NKAIN3: variants seen among roughly 807,000 people sequenced by gnomAD.
NKAIN3 encodes sodium/potassium transporting ATPase interacting 3.
NKAIN3 carries 25 observed loss-of-function variants against 30.2 expected under a neutral mutation model. That is an observed-to-expected ratio of 0.83 (90% CI 0.60 to 1.16). The LOEUF is 1.16. Among genes scored for constraint, NKAIN3 ranks in the 50% most tolerant of loss-of-function variants. The pLI is 0.00. For missense variants in NKAIN3, 225 were observed against 254.1 expected, an observed-to-expected ratio of 0.89 and a Z score of 0.78; for synonymous variants, 91 against 89.6, an observed-to-expected ratio of 1.02 and a Z score of -0.09.
At chr8:62,293,191 C>T (rs1269392218) in intron 1 of NKAIN3, among the ~76,000 whole-genome samples, 1 of 152,116 alleles carries the variant, frequency 6.6e-6, no homozygotes, top group Non-Finnish European at 1.5e-5. Flanking sequence ...TCCTTTTTCT[C>T]GGAGAAGTTT....
chr8:62,595,416 TAATAGAGTGA>T (rs144862586), intron 3 of NKAIN3, among the ~76,000 whole-genome samples: 60,085 of 138,042 alleles, frequency 0.44, 15,264 homozygotes, highest in Non-Finnish European at 0.57. Flanking sequence ...TTGCAAGATT[TAATAGAGTGA>T]AATAGAGTGA....
At chr8:62,712,906 C>G (rs1038618309) in intron 3 of NKAIN3, among the ~76,000 whole-genome samples, 2 of 152,220 alleles carry the variant, frequency 1.3e-5, no homozygotes, top group Non-Finnish European at 2.9e-5. Flanking sequence ...GGCCTTTCTG[C>G]TGCTCCCTCT....
At chr8:62,907,572 C>G (rs965409239) in intron 4 of NKAIN3, among the ~76,000 whole-genome samples, 1 of 152,144 alleles carries the variant, frequency 6.6e-6, no homozygotes, top group Non-Finnish European at 1.5e-5. Context: ...ATGGGCTGGG[C>G]CCAGGACCTT....
At chr8:62,785,858 T>A (rs950718034) in intron 4 of NKAIN3, among the ~76,000 whole-genome samples, 1 of 152,152 alleles carries the variant, frequency 6.6e-6, no homozygotes, top group African/African-American at 2.4e-5. Flanking sequence ...CAGAATATGA[T>A]CCTTATTTCT....
chr8:62,776,362 C>T (rs938030166), intron 4 of NKAIN3, among the ~76,000 whole-genome samples: 1 of 151,940 alleles, frequency 6.6e-6, no homozygotes, highest in African/African-American at 2.4e-5. Context: ...TCTCTTTCTT[C>T]TTCCTTCCTA....
chr8:62,601,313 G>A (rs1810976673), intron 3 of NKAIN3, among the ~76,000 whole-genome samples: 1 of 151,842 alleles, frequency 6.6e-6, no homozygotes, highest in Admixed American at 6.6e-5. Flanking sequence ...CCTAAAATGT[G>A]ATGTTTAAAG....
chr8:62,618,821 G>T (rs1236738453), intron 3 of NKAIN3, among the ~76,000 whole-genome samples: 1 of 152,074 alleles, frequency 6.6e-6, no homozygotes, highest in Non-Finnish European at 1.5e-5. Context: ...CAGGAGGATT[G>T]CTTGAACCCA....
intron 5 of NKAIN3, among the ~76,000 whole-genome samples, chr8:62,931,196 A>G (rs999604241): frequency 6.6e-6 from 1 of 152,226 alleles, no homozygotes; most frequent in African/African-American, 2.4e-5. Flanking sequence ...AGCAAATCTA[A>G]TAAATCTAAT....
At chr8:62,628,477 CATT>C (rs774541255) in intron 3 of NKAIN3, among the ~76,000 whole-genome samples, 6 of 152,238 alleles carry the variant, frequency 3.9e-5, no homozygotes, top group Non-Finnish European at 5.9e-5. Context: ...TGAGTTTCAT[CATT>C]AAGTTTTTTC....
intron 4 of NKAIN3, among the ~76,000 whole-genome samples, chr8:62,908,321 G>T (rs1193490186): frequency 6.6e-6 from 1 of 152,046 alleles, no homozygotes; most frequent in African/African-American, 2.4e-5. Flanking sequence ...GAAGGGACTT[G>T]CTTTATCTCA....
At chr8:62,321,370 T>C (rs1700096401) in intron 1 of NKAIN3, among the ~76,000 whole-genome samples, 1 of 152,214 alleles carries the variant, frequency 6.6e-6, no homozygotes, top group African/African-American at 2.4e-5. Context: ...CCATTGCTGG[T>C]GAGGAGCTGC....
At chr8:62,501,063 T>A (rs1430167111) in intron 1 of NKAIN3, among the ~76,000 whole-genome samples, 1 of 152,224 alleles carries the variant, frequency 6.6e-6, no homozygotes, top group Non-Finnish European at 1.5e-5. Flanking sequence ...ATGTTCCTTT[T>A]TTTCTAGTTA....
At chr8:62,448,488 A>AAC (rs200674469) in intron 1 of NKAIN3, among the ~76,000 whole-genome samples, 11,824 of 150,640 alleles carry the variant, frequency 0.078, 547 homozygotes, top group African/African-American at 0.11. Context: ...AAAAAAAAAA[A>AAC]AAGATAAAAA....
intron 3 of NKAIN3, among the ~76,000 whole-genome samples, chr8:62,647,734 C>T (rs1225533309): frequency 2.6e-5 from 4 of 152,280 alleles, no homozygotes; most frequent in African/African-American, 9.6e-5. Flanking sequence ...GCCTGAATCC[C>T]CTCGATTGCC....
At chr8:62,252,542 A>G (rs1346480031) in intron 1 of NKAIN3, among the ~76,000 whole-genome samples, 3 of 152,130 alleles carry the variant, frequency 2.0e-5, no homozygotes, top group East Asian at 1.9e-4. Context: ...GTCTTTCATC[A>G]TTAGTTTTTC....
At chr8:62,944,024 G>C (rs1159882228) in intron 5 of NKAIN3, among the ~76,000 whole-genome samples, 2 of 151,908 alleles carry the variant, frequency 1.3e-5, no homozygotes, top group Non-Finnish European at 2.9e-5. Flanking sequence ...GTGGGAGTGG[G>C]TGAGGGATAA....
rs897848307 is a variant in NKAIN3, at chr8:62,557,897, A to T, written c.55-21642A>T. Among the ~76,000 whole-genome samples the T allele has an allele frequency of 2.6e-5, 4 of 152,126 alleles. No homozygotes were observed. In the East Asian group the frequency reaches 7.7e-4, roughly 29 times the overall value. On this transcript the variant is annotated intron_variant, in intron 1 of 6. Transcript: ENST00000623646. ...CTGACTGTTCCTTTTGCTGTGCAAA[A>T]GCTCTTTAGTTTAATTAAGTCCCAG... is the stretch of plus-strand genomic sequence containing the variant.
chr8:62,690,159 C>T (rs1173323310), intron 3 of NKAIN3, among the ~76,000 whole-genome samples: 1 of 152,046 alleles, frequency 6.6e-6, no homozygotes, highest in Non-Finnish European at 1.5e-5. Flanking sequence ...CCCAGGGTCT[C>T]AGGCACCAGT....
intron 4 of NKAIN3, among the ~76,000 whole-genome samples, chr8:62,871,842 T>C (rs2130803015): frequency 6.6e-6 from 1 of 152,356 alleles, no homozygotes; most frequent in African/African-American, 2.4e-5. Context: ...ATATCTCAGC[T>C]ATGCTTTATT....
Sources: allele counts gnomAD v4.1 joint callset (sites outside exome capture counted in the v4.1 genomes callset), GRCh38; gene constraint gnomAD v4.1.1; transcripts MANE v1.5; gene names NCBI Gene and HGNC (gene_info 2026-07-23, HGNC 2026-07-21).